The following UGT2B28 variants were observed in gnomAD, a reference collection of about 807,000 sequenced individuals.
The protein encoded by UGT2B28 is UDP-glucuronosyltransferase 2B28.
Under a neutral mutation model 43.6 loss-of-function variants are expected in UGT2B28, and 45 were observed. The observed-to-expected ratio is 1.03, with a 90% CI of 0.81 to 1.32. UGT2B28 has a LOEUF of 1.32. UGT2B28 is among the 40% of genes most tolerant of loss of function. The probability of loss-of-function intolerance (pLI) is 0.00; values close to 1 mark genes in which losing one functional copy is unlikely to be tolerated. For missense variants in UGT2B28, 649 were observed against 625.5 expected (o/e 1.04, Z -0.40); for synonymous variants, 204 against 208.1 (o/e 0.98, Z 0.17).
rs746350198 is a variant in UGT2B28, at chr4:69,289,618, T to G, written c.1003-47T>G. On this transcript the variant is annotated intron_variant, in intron 3 of 5. Coordinates refer to ENST00000335568, the MANE Select transcript of UGT2B28 (RefSeq NM_053039.2). Reference sequence around the variant, plus strand: ...TTTTTACAGTTCTAACATTCTATAATTTTTGAGTTCCACTCATGGAATAAG... The same window carrying G: ...TTTTTACAGTTCTAACATTCTATAAGTTTTGAGTTCCACTCATGGAATAAG... 4.8e-6 allele frequency: 7 copies of G among 1,464,184 alleles called. No individual in the cohort carries two copies. The African/African-American group carries it at 9.7e-5, about 20-fold the overall frequency. 90.7% of individuals were successfully genotyped at this position (1,464,184 alleles called of 1,614,324 possible). A position where few individuals can be genotyped will look rare whatever the true frequency, so the allele number is the denominator to read the frequency against.
At chr4:69,282,355 T>A (rs993561493) in intron 1 of UGT2B28, among the ~76,000 whole-genome samples, 159 bp from the exon 2 acceptor site, 1 of 140,320 alleles carries the variant, frequency 7.1e-6, no homozygotes, top group Non-Finnish European at 1.5e-5. Flanking sequence ...ATATAATACA[T>A]AAAAATATAT....
At chr4:69,281,601 T>C (rs1016359331) in intron 1 of UGT2B28, among the ~76,000 whole-genome samples, 4 of 141,194 alleles carry the variant, frequency 2.8e-5, no homozygotes, top group Non-Finnish European at 4.6e-5. Context: ...TTTCTACAAC[T>C]ATCTATATAA....
intron 5 of UGT2B28, among the ~76,000 whole-genome samples, chr4:69,291,930 C>A (rs1366074826): frequency 7.1e-6 from 1 of 140,244 alleles, no homozygotes; most frequent in Non-Finnish European, 1.5e-5. Context: ...AAAATGATCT[C>A]TCATCCTGGT....
chr4:69,281,210 G>A lies in UGT2B28; in HGVS notation c.710G>A (p.Ser237Asn). 1 of 1,511,620 alleles carries A rather than the reference G, an allele frequency of 6.6e-7. No homozygotes were observed. The highest frequency in any genetic ancestry group is 8.8e-7 in the Non-Finnish European group (1 of 1,135,668). The allele number at this position is 1,511,620 out of a possible 1,614,324, so 93.6% of individuals were successfully genotyped here. The change falls in exon 1 of 6, where the codon AGT becomes AAT. Residue 237 changes from serine to asparagine, a missense_variant. Coordinates refer to ENST00000335568, the MANE Select transcript of UGT2B28 (RefSeq NM_053039.2). ...ATGAAGAAGTGGGATCAGTTTTACAGTGAAGTTTTAGGTAAGAATTTGTTT... is the reference window on the plus strand; with the variant it reads ...ATGAAGAAGTGGGATCAGTTTTACAATGAAGTTTTAGGTAAGAATTTGTTT... ...CDMKKWDQFYSEVLGRPTTLF... is the reference protein window; with the variant it reads ...CDMKKWDQFYNEVLGRPTTLF...
rs1724065579 is a variant in UGT2B28 at position 69,294,993 on chromosome 4, G to C, written c.*184G>C. 8 of 740,646 alleles carry C rather than the reference G, an allele frequency of 1.1e-5. No individual in the cohort carries two copies. Among genetic ancestry groups the C allele is most frequent in the Non-Finnish European group, 1.5e-5 (8 of 535,654 alleles). The allele number at this position is 740,646 out of a possible 1,614,324, so 45.9% of individuals were successfully genotyped here. A position where few individuals can be genotyped will look rare whatever the true frequency, so the allele number is the denominator to read the frequency against. On this transcript the variant is annotated 3_prime_UTR_variant, in exon 6 of 6. Coordinates refer to ENST00000335568, the MANE Select transcript of UGT2B28 (RefSeq NM_053039.2). ...AGATTTACCACCCAGGTAATGGTTA[G>C]AAATATTCTGTGGCAATGAAGAAAA...
At chr4:69,283,862 T>A (rs182252682) in intron 2 of UGT2B28, among the ~76,000 whole-genome samples, 1 of 140,182 alleles carries the variant, frequency 7.1e-6, no homozygotes, top group South Asian at 2.4e-4. Context: ...ATTAGACATA[T>A]CAATTGTGAC....
At chr4:69,289,530 T>C in intron 3 of UGT2B28, 135 bp from the exon 4 acceptor site, 1 of 793,548 alleles carries the variant, frequency 1.3e-6, no homozygotes, top group Non-Finnish European at 1.8e-6. Flanking sequence ...AATGTGAGTA[T>C]TGTTTTTACA....
intron 2 of UGT2B28, among the ~76,000 whole-genome samples, chr4:69,285,688 T>A (rs1723754013): frequency 7.1e-6 from 1 of 141,618 alleles, no homozygotes; most frequent in Admixed American, 7.1e-5. Context: ...TGGAAAAGTT[T>A]TACCCCAATG....
Position 69,294,694 on chromosome 4 carries a change from A to T in UGT2B28, c.1475A>T (p.Asp492Val), listed in dbSNP as rs200400886. 102 of 1,559,720 alleles carry T rather than the reference A, an allele frequency of 6.5e-5. 15 individuals are homozygous for T. Among genetic ancestry groups the T allele is most frequent in the Non-Finnish European group, 8.7e-5 (100 of 1,155,384 alleles). The stretch of plus-strand genomic sequence containing the variant: ...ACCTGGTTCCAGTACCACTCTTTGG[A>T]TGTGATTGGGTTTCTGCTGGCCTGT... ...DLTWFQYHSL[D>V]VIGFLLACVA... is the part of the protein sequence containing the mutation. Residue 492 changes from aspartate (D) to valine (V), a missense_variant, in exon 6 of 6, where the codon GAT becomes GTT. By Grantham distance (152) the Asp-to-Val change is radical. Coordinates refer to ENST00000335568, the MANE Select transcript of UGT2B28 (RefSeq NM_053039.2).
In UGT2B28 at chr4:69,291,182, C is replaced by G. The variant is rs186666180; in HGVS notation, c.1310+371C>G. Among the ~76,000 whole-genome samples, 41 of 140,306 alleles carry G rather than the reference C, an allele frequency of 2.9e-4. 7 individuals carry two copies. Among genetic ancestry groups the G allele is most frequent in the African/African-American group, 1.1e-3 (39 of 36,102 alleles). 92.0% of individuals were successfully genotyped at this position (140,306 alleles called of 152,430 possible). ...AAATGACTCAGAATATAACTATTTTCTTGCTGAAAAATTAATTTTTATCAT... is the reference window on the plus strand; with the variant it reads ...AAATGACTCAGAATATAACTATTTTGTTGCTGAAAAATTAATTTTTATCAT... On this transcript the variant is annotated intron_variant, in intron 5 of 5. Transcript: ENST00000335568.
At chr4:69,286,987 C>A (rs1723797581) in intron 3 of UGT2B28, 104 bp downstream of exon 3, 3 of 1,472,790 alleles carry the variant, frequency 2.0e-6, no homozygotes, top group East Asian at 2.5e-5. Context: ...CTCTTTACAG[C>A]CAAATACAGT....
At chr4:69,289,241 G>T (rs1200502575) in intron 3 of UGT2B28, among the ~76,000 whole-genome samples, 1 of 139,186 alleles carries the variant, frequency 7.2e-6, no homozygotes, top group African/African-American at 2.8e-5. Context: ...ATACAATCTC[G>T]CCAACATCAT....
rs1401158738 is a variant in UGT2B28 at position 69,285,576 on chromosome 4, C to T, written c.871-1176C>T. ...TGGAATAGTAGTACAAGGACTCTCA[C>T]GTTAACGTAAGATTAAAAATCATAT... On this transcript the variant is annotated intron_variant, in intron 2 of 5. Coordinates refer to ENST00000335568, the MANE Select transcript of UGT2B28 (RefSeq NM_053039.2). Among the ~76,000 whole-genome samples, 25 of 140,820 alleles carry T rather than the reference C, an allele frequency of 1.8e-4. 4 individuals carry two copies. The highest frequency in any genetic ancestry group is 6.7e-4 in the African/African-American group (24 of 36,040). The allele number at this position is 140,820 out of a possible 152,430, so 92.4% of individuals were successfully genotyped here.
At chr4:69,281,297 A>T (rs1214179059) in intron 1 of UGT2B28, 76 bp downstream of exon 1, 1 of 1,386,720 alleles carries the variant, frequency 7.2e-7, no homozygotes, top group Non-Finnish European at 9.4e-7. Flanking sequence ...ATAAAGCCAT[A>T]AAGTCAGGGA....
In UGT2B28 at chr4:69,285,279, T is replaced by C. The variant is rs112869088; in HGVS notation, c.871-1473T>C. On this transcript the variant is annotated intron_variant, in intron 2 of 5. Coordinates refer to ENST00000335568, the MANE Select transcript of UGT2B28 (RefSeq NM_053039.2). ...AAATAATATCTCTAGGTAGAAATTT[T>C]AGAAAAATTATTTTTTAAAACGCTT... 2.8e-5 allele frequency among the ~76,000 whole-genome samples: 4 copies of C among 140,858 alleles called. 1 individual carries two copies. The highest frequency in any genetic ancestry group is 4.6e-5 in the Non-Finnish European group (3 of 65,912). 92.4% of individuals were successfully genotyped at this position (140,858 alleles called of 152,430 possible). A position where few individuals can be genotyped will look rare whatever the true frequency, so the allele number is the denominator to read the frequency against.
At position 69,287,315 on chromosome 4, in the gene UGT2B28, T is replaced by G. The variant is rs767918415; in HGVS notation, c.1002+432T>G. On this transcript the variant is annotated intron_variant, in intron 3 of 5. Transcript: ENST00000335568. ...CTAAAAATATATATCCAGAACTGCATCTTTGTAGAAATACAAGGAAGACTT... is the reference window on the plus strand; with the variant it reads ...CTAAAAATATATATCCAGAACTGCAGCTTTGTAGAAATACAAGGAAGACTT... Among the ~76,000 whole-genome samples the G allele has an allele frequency of 1.1e-4, 15 of 141,086 alleles. 1 individual carries two copies. Among genetic ancestry groups the G allele is most frequent in the Middle Eastern group, 3.6e-3 (1 of 278 alleles). The allele number at this position is 141,086 out of a possible 152,430, so 92.6% of individuals were successfully genotyped here.
chr4:69,292,120 T>A (rs370534015), intron 5 of UGT2B28, among the ~76,000 whole-genome samples: 2 of 140,934 alleles, frequency 1.4e-5, no homozygotes, highest in Admixed American at 1.4e-4. Flanking sequence ...AAATCAGATA[T>A]ATAATTTTTA....
At chr4:69,283,575 C>T (rs1723685256) in intron 2 of UGT2B28, among the ~76,000 whole-genome samples, 1 of 139,982 alleles carries the variant, frequency 7.1e-6, no homozygotes, top group Non-Finnish European at 1.5e-5. Flanking sequence ...CCTACATTTG[C>T]TAAAATAGTG....
Position 69,280,568 on chromosome 4 carries a change from G to A in UGT2B28, c.68G>A (p.Cys23Tyr). The change falls in exon 1 of 6, where the codon TGT (cysteine) becomes TAT (tyrosine). Residue 23 changes from cysteine (C) to tyrosine (Y), a missense_variant. Coordinates refer to ENST00000335568, the MANE Select transcript of UGT2B28 (RefSeq NM_053039.2). Reference protein sequence around the residue: ...HLGCYFSSGSCGKVLVWTGEY... With the variant: ...HLGCYFSSGSYGKVLVWTGEY... ...GGTTGTTACTTTAGCTCTGGGAGTTGTGGAAAGGTGCTGGTGTGGACCGGT... is the reference window on the plus strand; with the variant it reads ...GGTTGTTACTTTAGCTCTGGGAGTTATGGAAAGGTGCTGGTGTGGACCGGT... 4 of 1,560,644 alleles carry A rather than the reference G, an allele frequency of 2.6e-6. No individual in the cohort carries two copies. The highest frequency in any genetic ancestry group is 3.5e-6 in the Non-Finnish European group (4 of 1,155,790).
Sources: gnomAD v4.1 joint callset for allele counts (sites outside exome capture counted in the v4.1 genomes callset) on GRCh38, gnomAD v4.1.1 for gene constraint, MANE v1.5 for transcripts, NCBI Gene and HGNC (gene_info 2026-07-23, HGNC 2026-07-21) for gene names.